The following GPATCH2 variants were observed in gnomAD, a reference collection of about 807,000 sequenced individuals.
GPATCH2 encodes G patch domain-containing protein 2.
Under a neutral mutation model 58.0 loss-of-function variants are expected in GPATCH2, and 51 were observed. The observed-to-expected ratio is 0.88, with a 90% CI of 0.70 to 1.11. The LOEUF (loss-of-function observed/expected upper bound fraction) is 1.11, where lower values mean the gene tolerates loss of function less well. GPATCH2 is among the 50% of genes most tolerant of loss of function. The probability of loss-of-function intolerance (pLI) is 0.00; values close to 1 mark genes in which losing one functional copy is unlikely to be tolerated. For missense variants in GPATCH2, 625 were observed against 652.2 expected (o/e 0.96, Z 0.45); for synonymous variants, 222 against 218.5 (o/e 1.02, Z -0.14).
At chr1:217,485,773 T>C (rs1474316890) in intron 8 of GPATCH2, among the ~76,000 whole-genome samples, 3 of 152,104 alleles carry the variant, frequency 2.0e-5, no homozygotes, top group Admixed American at 6.5e-5. Context: ...AACTGTAATA[T>C]GGTGGTAAGT....
At chr1:217,432,883 C>A (rs1306700159) in intron 9 of GPATCH2, among the ~76,000 whole-genome samples, 29 of 152,132 alleles carry the variant, frequency 1.9e-4, no homozygotes, top group Non-Finnish European at 7.3e-5. Context: ...CTCCATAGGC[C>A]TCCTATACTA....
At chr1:217,585,633 A>G (rs1263094209) in intron 5 of GPATCH2, among the ~76,000 whole-genome samples, 1 of 152,172 alleles carries the variant, frequency 6.6e-6, no homozygotes, top group African/African-American at 2.4e-5. Context: ...AATAATAACA[A>G]TATAAAAAAA....
chr1:217,448,123 A>G (rs1659476334), intron 9 of GPATCH2, among the ~76,000 whole-genome samples: 1 of 151,512 alleles, frequency 6.6e-6, no homozygotes, highest in African/African-American at 2.4e-5. Context: ...AAAAATAGAG[A>G]ATGTAAGTTT....
intron 5 of GPATCH2, among the ~76,000 whole-genome samples, chr1:217,532,022 G>C (rs952280403): frequency 2.6e-5 from 4 of 152,162 alleles, no homozygotes; most frequent in Admixed American, 1.3e-4. Flanking sequence ...ATAGGATACT[G>C]TCTATCATAG....
At chr1:217,503,737 A>T (rs1662415146) in intron 6 of GPATCH2, among the ~76,000 whole-genome samples, 1 of 152,110 alleles carries the variant, frequency 6.6e-6, no homozygotes, top group Non-Finnish European at 1.5e-5. Context: ...GTTATATATA[A>T]GAGTAGCCAG....
At chr1:217,516,739 T>A (rs1282753957) in intron 5 of GPATCH2, among the ~76,000 whole-genome samples, 1 of 152,240 alleles carries the variant, frequency 6.6e-6, no homozygotes, top group Non-Finnish European at 1.5e-5. Context: ...CCACACTATA[T>A]TAATCTTGTT....
chr1:217,614,341 T>C, intron 2 of GPATCH2, 139 bp from the exon 3 acceptor site: 1 of 591,440 alleles, frequency 1.7e-6, no homozygotes, highest in Non-Finnish European at 3.1e-6. Flanking sequence ...ATTTTTTTTT[T>C]AATCAAACTG....
chr1:217,517,147 C>T (rs1488647439), intron 5 of GPATCH2, among the ~76,000 whole-genome samples: 1 of 152,142 alleles, frequency 6.6e-6, no homozygotes, highest in Non-Finnish European at 1.5e-5. Context: ...AAGTAACCCA[C>T]AAAAGATTTA....
intron 6 of GPATCH2, among the ~76,000 whole-genome samples, chr1:217,501,620 T>C (rs1662310302): frequency 6.6e-6 from 1 of 152,122 alleles, no homozygotes; most frequent in South Asian, 2.1e-4. Flanking sequence ...TCACTATGTT[T>C]TACTTCAGCC....
intron 1 of GPATCH2, among the ~76,000 whole-genome samples, chr1:217,629,644 T>C (rs908192000): frequency 6.6e-5 from 10 of 152,236 alleles, no homozygotes; most frequent in African/African-American, 2.4e-4. Context: ...TCCATTATCT[T>C]GTTTTGTGTG....
chr1:217,542,308 G>A (rs12118587), intron 5 of GPATCH2, among the ~76,000 whole-genome samples: 4,990 of 152,224 alleles, frequency 0.033, 127 homozygotes, highest in South Asian at 0.059. Flanking sequence ...GGTAGGAGAC[G>A]CAGTGACACA....
intron 5 of GPATCH2, among the ~76,000 whole-genome samples, chr1:217,557,493 T>C (rs1199782907): frequency 6.6e-6 from 1 of 152,188 alleles, no homozygotes; most frequent in Non-Finnish European, 1.5e-5. Context: ...TTTTTTGTTC[T>C]ACTTAAAAAT....
At chr1:217,598,424 C>A (rs1266761124) in intron 5 of GPATCH2, among the ~76,000 whole-genome samples, 1 of 151,824 alleles carries the variant, frequency 6.6e-6, no homozygotes, top group African/African-American at 2.4e-5. Context: ...AAGGTCATAC[C>A]CGGTAAATAA....
intron 8 of GPATCH2, among the ~76,000 whole-genome samples, chr1:217,469,722 T>C (rs1660634168): frequency 6.6e-6 from 1 of 152,148 alleles, no homozygotes; most frequent in Non-Finnish European, 1.5e-5. Context: ...AGAATAATTC[T>C]TGTTATATTA....
intron 1 of GPATCH2, among the ~76,000 whole-genome samples, chr1:217,622,403 C>T (rs886773554): frequency 6.6e-6 from 1 of 152,172 alleles, no homozygotes; most frequent in Non-Finnish European, 1.5e-5. Flanking sequence ...CATGGGCATT[C>T]TGAATGTATT....
chr1:217,487,708 A>C (rs1444770202), intron 8 of GPATCH2, among the ~76,000 whole-genome samples: 4 of 151,802 alleles, frequency 2.6e-5, no homozygotes, highest in African/African-American at 9.7e-5. Flanking sequence ...TGCAGGCATG[A>C]GCCACTGCAC....
intron 5 of GPATCH2, among the ~76,000 whole-genome samples, chr1:217,579,302 A>T: frequency 6.6e-6 from 1 of 152,164 alleles, no homozygotes; most frequent in East Asian, 1.9e-4. Context: ...GAAGGTTTGC[A>T]ATGGCAATTC....
At chr1:217,610,158 G>T (rs1017299518) in intron 5 of GPATCH2, 163 bp downstream of exon 5, 2 of 1,565,692 alleles carry the variant, frequency 1.3e-6, no homozygotes, top group Non-Finnish European at 1.7e-6. Flanking sequence ...AGAAGATTTG[G>T]TTTATAGGGG....
chr1:217,598,599 C>G (rs778254280), intron 5 of GPATCH2, among the ~76,000 whole-genome samples: 127 of 151,794 alleles, frequency 8.4e-4, no homozygotes, highest in Non-Finnish European at 1.5e-3. Context: ...ATTACAGGTG[C>G]CTGCCACAGG....
Sources: gnomAD v4.1 joint callset for allele counts (sites outside exome capture counted in the v4.1 genomes callset) on GRCh38, gnomAD v4.1.1 for gene constraint, MANE v1.5 for transcripts, NCBI Gene and HGNC (gene_info 2026-07-23, HGNC 2026-07-21) for gene names.